Variants in PLEKHO2 observed in about 807,000 individuals in gnomAD.
PLEKHO2 encodes pleckstrin homology domain containing O2.
In PLEKHO2, 20 loss-of-function variants were observed where a neutral mutation model predicts 32.7. The observed-to-expected ratio is 0.61, with a 90% CI of 0.43 to 0.89. The LOEUF (loss-of-function observed/expected upper bound fraction) is 0.89, where lower values mean the gene tolerates loss of function less well. PLEKHO2 is among the 40% of genes least tolerant of loss of function. PLEKHO2 has a pLI of 0.00. For synonymous variants in PLEKHO2, 247 were observed against 246.3 expected, an observed-to-expected ratio of 1.00 and a Z score of -0.03; for missense variants, 568 against 621.2, an observed-to-expected ratio of 0.91 and a Z score of 0.91.
chr15:64,863,098 C>T (rs192678883), intron 5 of PLEKHO2, among the ~76,000 whole-genome samples: 84 of 152,090 alleles, frequency 5.5e-4, no homozygotes, highest in African/African-American at 1.8e-3. Context: ...CCACCACCCC[C>T]GGCTAATTTT....
intron 5 of PLEKHO2, among the ~76,000 whole-genome samples, chr15:64,861,933 G>A (rs16948311): frequency 0.18 from 26,755 of 152,062 alleles, 3,394 homozygotes; most frequent in East Asian, 0.75. Flanking sequence ...AGCTGTGTCT[G>A]ATTTTTGTGC....
Position 64,865,590 on chromosome 15 carries a change from G to C in PLEKHO2, c.1175G>C (p.Gly392Ala). ...PQFHPRCSSL[G>A]DLLGEGPRHP... ...TTCCATCCCCGCTGCTCCTCCCTTG[G>C]GGACTTGCTTGGGGAAGGCCCGCGG... The change falls in exon 6 of 6, where the codon GGG (glycine) becomes GCG (alanine). Residue 392 changes from glycine to alanine, a missense_variant. Gly to Ala is a moderately conservative substitution (Grantham distance 60). Coordinates refer to ENST00000323544, the MANE Select transcript of PLEKHO2 (RefSeq NM_025201.5). The C allele has an allele frequency of 5.0e-6, 8 of 1,614,224 alleles. No homozygotes were observed. The highest frequency in any genetic ancestry group is 6.8e-6 in the Non-Finnish European group (8 of 1,180,024).
At chr15:64,864,589 G>GTA (rs2084668065) in intron 5 of PLEKHO2, among the ~76,000 whole-genome samples, 1 of 152,156 alleles carries the variant, frequency 6.6e-6, no homozygotes, top group South Asian at 2.1e-4. Flanking sequence ...ACCCAGGCTT[G>GTA]TATAGTCCAG....
rs1300743587 is a variant in PLEKHO2 at position 64,864,895 on chromosome 15, C to A, written c.484-4C>A. On this transcript the variant is annotated splice_polypyrimidine_tract_variant and splice_region_variant and intron_variant, in intron 5 of 5. Transcript: ENST00000323544. The stretch of plus-strand genomic sequence containing the variant: ...TGACACCCATATACCATCCCCCCCA[C>A]CAGGTGGCCAGTGCAGCTTCTGACG... The A allele has an allele frequency of 3.8e-6, 6 of 1,582,684 alleles. No individual in the cohort carries two copies. The highest frequency in any genetic ancestry group is 2.3e-5 in the East Asian group (1 of 44,386).
At chr15:64,854,787 T>C (rs1369507543) in intron 2 of PLEKHO2, 134 bp from the exon 3 acceptor site, 3 of 663,950 alleles carry the variant, frequency 4.5e-6, no homozygotes, top group South Asian at 1.7e-5. Context: ...TGGTGACTGA[T>C]TGGCAGCCTG....
Position 64,848,710 on chromosome 15 carries a change from T to C in PLEKHO2, c.130T>C (p.Cys44Arg). 1 of 1,614,146 alleles carries C rather than the reference T, an allele frequency of 6.2e-7. No individual in the cohort carries two copies. The highest frequency in any genetic ancestry group is 8.5e-7 in the Non-Finnish European group (1 of 1,180,024). ...GFWKDRYLLLCQAQLLVYENE... is the reference protein window; with the variant it reads ...GFWKDRYLLLRQAQLLVYENE... ...CTGGAAAGACCGATATCTGCTCCTCTGCCAGGCCCAGCTGCTGGTCTATGA... is the reference window on the plus strand; with the variant it reads ...CTGGAAAGACCGATATCTGCTCCTCCGCCAGGCCCAGCTGCTGGTCTATGA... The change falls in exon 2 of 6, where the codon TGC becomes CGC. Residue 44 changes from cysteine to arginine, a missense_variant. Transcript: ENST00000323544.
At position 64,865,575 on chromosome 15, in the gene PLEKHO2, G is replaced by A. The variant is rs151003394; in HGVS notation, c.1160G>A (p.Arg387His). ...GACCTGCCACCTCAGTTCCATCCCC[G>A]CTGCTCCTCCCTTGGGGACTTGCTT... is the stretch of plus-strand genomic sequence containing the variant. ...PWDLPPQFHP[R>H]CSSLGDLLGE... Residue 387 changes from arginine (R) to histidine (H), a missense_variant, in exon 6 of 6, where the codon CGC becomes CAC. By Grantham distance (29) the Arg-to-His change is conservative (BLOSUM62 0). Coordinates refer to ENST00000323544, the MANE Select transcript of PLEKHO2 (RefSeq NM_025201.5). 1.4e-4 allele frequency: 221 copies of A among 1,614,140 alleles called. No individual in the cohort carries two copies. In the African/African-American group the frequency reaches 2.5e-3, roughly 18 times the overall value.
intron 5 of PLEKHO2, 142 bp downstream of exon 5, chr15:64,861,717 G>A: frequency 1.7e-6 from 1 of 603,840 alleles, no homozygotes; most frequent in Non-Finnish European, 2.9e-6. Context: ...GGAAGTGATG[G>A]GGCACCTGTG....
intron 5 of PLEKHO2, among the ~76,000 whole-genome samples, chr15:64,863,829 C>T (rs903808271): frequency 2.0e-5 from 3 of 151,438 alleles, no homozygotes; most frequent in Non-Finnish European, 4.4e-5. Context: ...CTGCAACCTC[C>T]GCTTCCAGGG....
intron 5 of PLEKHO2, 21 bp downstream of exon 5, chr15:64,861,596 G>A (rs1449442526): frequency 1.3e-6 from 2 of 1,559,054 alleles, no homozygotes; most frequent in African/African-American, 2.7e-5. Context: ...ACCCAGTGTG[G>A]ATGTTGGGGT....
intron 1 of PLEKHO2, among the ~76,000 whole-genome samples, chr15:64,844,398 G>A (rs919919410): frequency 5.3e-5 from 8 of 152,222 alleles, no homozygotes; most frequent in Admixed American, 2.0e-4. Flanking sequence ...GGGTGATCGA[G>A]CAATGTGATG....
In PLEKHO2 at chr15:64,865,548, G is replaced by A; in HGVS notation, c.1133G>A (p.Trp378Ter). The A allele has an allele frequency of 6.2e-7, 1 of 1,614,144 alleles. No homozygotes were observed. The highest frequency in any genetic ancestry group is 8.5e-7 in the Non-Finnish European group (1 of 1,180,020). ...ACAACATCCACAGCACTGCCCCCCT[G>A]GGACCTGCCACCTCAGTTCCATCCC... ...DATTSTALPP[W>*]DLPPQFHPRC... The change falls in exon 6 of 6, where the codon TGG becomes TAG. Residue 378 changes from tryptophan (W) to a stop codon, truncating the protein, a stop_gained. Coordinates refer to ENST00000323544, the MANE Select transcript of PLEKHO2 (RefSeq NM_025201.5). LOFTEE classifies it high-confidence loss of function.
rs2084699943 is a variant in PLEKHO2, at chr15:64,867,747, G to A, written c.*1859G>A. 6.6e-6 allele frequency: 1 copy of A among 152,288 alleles called. No homozygotes were observed. Among genetic ancestry groups the A allele is most frequent in the African/African-American group, 2.4e-5 (1 of 41,454 alleles). 9.4% of individuals were successfully genotyped at this position (152,288 alleles called of 1,614,324 possible). A position where few individuals can be genotyped will look rare whatever the true frequency, so the allele number is the denominator to read the frequency against. On this transcript the variant is annotated 3_prime_UTR_variant, in exon 6 of 6. Coordinates refer to ENST00000323544, the MANE Select transcript of PLEKHO2 (RefSeq NM_025201.5). Reference sequence around the variant, plus strand: ...GTTGAGGCCCAGCCACTCTCCCTGGGGCCTGGTGGGTAGGCAAGTAGCTCT... The same window carrying A: ...GTTGAGGCCCAGCCACTCTCCCTGGAGCCTGGTGGGTAGGCAAGTAGCTCT...
intron 1 of PLEKHO2, among the ~76,000 whole-genome samples, chr15:64,844,142 C>G (rs577435139): frequency 1.3e-5 from 2 of 152,340 alleles, no homozygotes; most frequent in Non-Finnish European, 2.9e-5. Context: ...CCCCATGATC[C>G]CAGGCCATCT....
At chr15:64,852,458 G>C (rs977431563) in intron 2 of PLEKHO2, among the ~76,000 whole-genome samples, 11 of 152,192 alleles carry the variant, frequency 7.2e-5, no homozygotes. Context: ...TCGATTAGTA[G>C]TTATCCACAT....
chr15:64,864,423 G>A (rs925153119), intron 5 of PLEKHO2, among the ~76,000 whole-genome samples: 1 of 152,230 alleles, frequency 6.6e-6, no homozygotes, highest in Admixed American at 6.5e-5. Context: ...TGAACTGGAA[G>A]AAGTATGTTT....
chr15:64,842,375 ACT>A (rs113444184), intron 1 of PLEKHO2, among the ~76,000 whole-genome samples: 15,539 of 136,276 alleles, frequency 0.11, 1,114 homozygotes, highest in African/African-American at 0.17. Context: ...TCGGATCCTG[ACT>A]CTCTCTCTCT....
At chr15:64,860,979 C>T (rs537302832) in intron 4 of PLEKHO2, among the ~76,000 whole-genome samples, 1 of 152,378 alleles carries the variant, frequency 6.6e-6, no homozygotes, top group South Asian at 2.1e-4. Flanking sequence ...TGAGACTTCC[C>T]AGCCAATCCT....
intron 2 of PLEKHO2, among the ~76,000 whole-genome samples, chr15:64,849,773 TG>T (rs2084553048): frequency 6.7e-6 from 1 of 148,590 alleles, no homozygotes; most frequent in Non-Finnish European, 1.5e-5. Flanking sequence ...GTGCATCTAG[TG>T]TGCAAGTCTT....
Sources: gnomAD v4.1 joint callset for allele counts (sites outside exome capture counted in the v4.1 genomes callset) on GRCh38, gnomAD v4.1.1 for gene constraint, MANE v1.5 for transcripts, NCBI Gene and HGNC (gene_info 2026-07-23, HGNC 2026-07-21) for gene names.